The following ARHGAP26 variants were observed in gnomAD, a reference collection of about 807,000 sequenced individuals.
ARHGAP26 encodes Rho GTPase activating protein 26.
In ARHGAP26, 38 loss-of-function variants were observed where a neutral mutation model predicts 104.8. The observed-to-expected ratio is 0.36, with a 90% CI of 0.28 to 0.48. ARHGAP26 has a LOEUF of 0.48. Among genes scored for constraint, ARHGAP26 ranks in the 20% least tolerant of loss-of-function variants. ARHGAP26 has a pLI of 0.99. For missense variants in ARHGAP26, 704 were observed against 947.9 expected (o/e 0.74, Z 3.38); for synonymous variants, 341 against 340.0 (o/e 1.00, Z -0.03).
intron 5 of ARHGAP26, among the ~76,000 whole-genome samples, chr5:142,887,545 T>A (rs1757895713): frequency 6.6e-6 from 1 of 152,234 alleles, no homozygotes; most frequent in African/African-American, 2.4e-5. Context: ...GACAGTTCTG[T>A]ATTTCAGTGG....
chr5:143,109,991 G>A (rs1794572191), intron 17 of ARHGAP26, among the ~76,000 whole-genome samples: 1 of 152,072 alleles, frequency 6.6e-6, no homozygotes, highest in Non-Finnish European at 1.5e-5. Flanking sequence ...TGCTCTCTGG[G>A]CTCCAGGTAC....
At chr5:142,886,188 CAT>C (rs1404138795) in intron 5 of ARHGAP26, among the ~76,000 whole-genome samples, 1 of 152,198 alleles carries the variant, frequency 6.6e-6, no homozygotes. Context: ...TGACCTCTGT[CAT>C]ATGTTTGCCA....
intron 12 of ARHGAP26, among the ~76,000 whole-genome samples, chr5:143,014,943 T>A (rs2152821152): frequency 6.6e-6 from 1 of 152,352 alleles, no homozygotes; most frequent in Non-Finnish European, 1.5e-5. Flanking sequence ...GGAAAATCAG[T>A]AGAACAGTGC....
At chr5:143,024,810 G>A (rs895028269) in intron 12 of ARHGAP26, among the ~76,000 whole-genome samples, 2 of 152,126 alleles carry the variant, frequency 1.3e-5, no homozygotes, top group Non-Finnish European at 2.9e-5. Flanking sequence ...GCTCACAATC[G>A]GCATGTAAGA....
chr5:143,097,720 G>T (rs1792600624), intron 17 of ARHGAP26, among the ~76,000 whole-genome samples: 1 of 151,378 alleles, frequency 6.6e-6, no homozygotes, highest in Non-Finnish European at 1.5e-5. Context: ...TACTCGGGAG[G>T]CTGAGGCAGG....
At chr5:142,803,346 CTCAT>C (rs1321676589) in intron 1 of ARHGAP26, among the ~76,000 whole-genome samples, 2 of 152,184 alleles carry the variant, frequency 1.3e-5, no homozygotes, top group East Asian at 3.9e-4. Context: ...CTAATTTTGT[CTCAT>C]TGTTTCCCCA....
chr5:142,863,106 GTT>G (rs747130987), intron 1 of ARHGAP26, among the ~76,000 whole-genome samples: 4 of 141,940 alleles, frequency 2.8e-5, no homozygotes, highest in Admixed American at 7.0e-5. Context: ...TTCAAGTGAG[GTT>G]TTTTTTTTTT....
chr5:143,078,814 A>G (rs1789406822), intron 17 of ARHGAP26, among the ~76,000 whole-genome samples: 1 of 152,224 alleles, frequency 6.6e-6, no homozygotes, highest in African/African-American at 2.4e-5. Flanking sequence ...TCAACTTTAG[A>G]GACTTTCTTA....
Position 142,827,864 on chromosome 5 carries a change from C to T in ARHGAP26, c.155-45536C>T, listed in dbSNP as rs533167909. On this transcript the variant is annotated intron_variant, in intron 1 of 22. Transcript: ENST00000645722. ...ATGTAAATGCTCAATAAACGTCAGCCGTTACTAGCTAATGATTCTCCTGGC... is the reference window on the plus strand; with the variant it reads ...ATGTAAATGCTCAATAAACGTCAGCTGTTACTAGCTAATGATTCTCCTGGC... Among the ~76,000 whole-genome samples, 6 of 152,330 alleles carry T rather than the reference C, an allele frequency of 3.9e-5. No individual in the cohort carries two copies. The South Asian group carries it at 8.3e-4, about 21-fold the overall frequency.
At chr5:142,799,824 A>G (rs1761714459) in intron 1 of ARHGAP26, among the ~76,000 whole-genome samples, 1 of 152,218 alleles carries the variant, frequency 6.6e-6, no homozygotes, top group Admixed American at 6.5e-5. Flanking sequence ...ATGAGGGCGG[A>G]GCCCCCATGG....
chr5:143,012,558 T>TAC (rs1778983755), intron 11 of ARHGAP26, among the ~76,000 whole-genome samples: 1 of 72,438 alleles, frequency 1.4e-5, no homozygotes, highest in Non-Finnish European at 3.6e-5. Context: ...CATACATATA[T>TAC]ATATATATAT....
At chr5:143,003,087 C>T (rs542515839) in intron 11 of ARHGAP26, among the ~76,000 whole-genome samples, 1 of 152,146 alleles carries the variant, frequency 6.6e-6, no homozygotes, top group Non-Finnish European at 1.5e-5. Context: ...ATCAAAGTCA[C>T]GGGGTAGCGG....
chr5:142,959,447 G>A (rs955843894), intron 11 of ARHGAP26, among the ~76,000 whole-genome samples: 1 of 152,208 alleles, frequency 6.6e-6, no homozygotes, highest in African/African-American at 2.4e-5. Flanking sequence ...TGGACTTGGG[G>A]CCCTTTTCCA....
intron 5 of ARHGAP26, among the ~76,000 whole-genome samples, chr5:142,890,859 G>C (rs945322444): frequency 6.6e-6 from 1 of 152,206 alleles, no homozygotes; most frequent in African/African-American, 2.4e-5. Context: ...ACTTGAGCAG[G>C]TCTCACCAGC....
chr5:143,014,021 A>G (rs1598630918), intron 11 of ARHGAP26, 59 bp from the exon 12 acceptor site: 7 of 1,543,344 alleles, frequency 4.5e-6, no homozygotes, highest in Non-Finnish European at 6.3e-6. Flanking sequence ...GGTTTTCTAC[A>G]GTGAACCTAT....
At chr5:142,949,129 C>T (rs1767634972) in intron 11 of ARHGAP26, among the ~76,000 whole-genome samples, 2 of 128,656 alleles carry the variant, frequency 1.6e-5, no homozygotes, top group Admixed American at 9.3e-5. Flanking sequence ...GAAGAAAGCA[C>T]AGAAATGTCC....
At chr5:143,079,037 GATT>G (rs952965997) in intron 17 of ARHGAP26, among the ~76,000 whole-genome samples, 4 of 152,206 alleles carry the variant, frequency 2.6e-5, no homozygotes, top group African/African-American at 9.7e-5. Context: ...AAAGTGCTAG[GATT>G]ATTACTTTAT....
At chr5:142,887,257 C>T (rs969914108) in intron 5 of ARHGAP26, among the ~76,000 whole-genome samples, 3 of 151,990 alleles carry the variant, frequency 2.0e-5, no homozygotes, top group Admixed American at 6.5e-5. Flanking sequence ...GGGACCAGAA[C>T]GCTGGGCTGG....
chr5:143,225,512 T>TCTGTCCCATCATAAACTTAC lies in ARHGAP26; in HGVS notation c.*3070_*3089dup, dbSNP rs1435247064. 10 of 208,290 alleles carry TCTGTCCCATCATAAACTTAC rather than the reference T, an allele frequency of 4.8e-5. No individual in the cohort carries two copies. The highest frequency in any genetic ancestry group is 7.8e-5 in the Non-Finnish European group (8 of 102,292). 12.9% of individuals were successfully genotyped at this position (208,290 alleles called of 1,614,324 possible). A position where few individuals can be genotyped will look rare whatever the true frequency, so the allele number is the denominator to read the frequency against. ...CCACATTTGATGTTTGAAGTTGTAATCTGTCCCATCATAAACTTACCTGGA... is the reference window on the plus strand; with the variant it reads ...CCACATTTGATGTTTGAAGTTGTAATCTGTCCCATCATAAACTTACCTGTCCCATCATAAACTTACCTGGA... On this transcript the variant is annotated 3_prime_UTR_variant, in exon 23 of 23. Transcript: ENST00000645722.
Sources: allele counts gnomAD v4.1 joint callset (sites outside exome capture counted in the v4.1 genomes callset), GRCh38; gene constraint gnomAD v4.1.1; transcripts MANE v1.5; gene names NCBI Gene and HGNC (gene_info 2026-07-23, HGNC 2026-07-21).